LRRC41: variants seen among roughly 807,000 people sequenced by gnomAD.
LRRC41 encodes the protein leucine rich repeat containing 41.
A neutral mutation model predicts 72.1 loss-of-function variants in LRRC41; 17 were observed. The ratio of observed to expected loss-of-function variants is 0.24; its 90% confidence interval spans 0.16 to 0.35. LRRC41 has a LOEUF of 0.35. Among genes scored for constraint, LRRC41 ranks in the 10% least tolerant of loss-of-function variants. The pLI, the probability that LRRC41 is intolerant of heterozygous loss-of-function variation, is 1.00. For synonymous variants in LRRC41, 427 were observed against 431.0 expected (o/e 0.99, Z 0.11); for missense variants, 759 against 1,065.0 (o/e 0.71, Z 4.00).
At chr1:46,283,885 T>TG (rs555208119) in intron 4 of LRRC41, among the ~76,000 whole-genome samples, 71 of 152,156 alleles carry the variant, frequency 4.7e-4, no homozygotes, top group African/African-American at 1.5e-3. Context: ...AGGCTGGTCT[T>TG]GAACTCCTGA....
At position 46,303,476 on chromosome 1, in the gene LRRC41, A is replaced by G. The variant is rs1447319938; in HGVS notation, c.-154T>C. 4 of 805,798 alleles carry G rather than the reference A, an allele frequency of 5.0e-6. No homozygotes were observed. The highest frequency in any genetic ancestry group is 7.6e-6 in the Non-Finnish European group (4 of 527,416). The allele number at this position is 805,798 out of a possible 1,614,324, so 49.9% of individuals were successfully genotyped here. On this transcript the variant is annotated 5_prime_UTR_variant, in exon 1 of 10. Coordinates refer to ENST00000617190, the MANE Select transcript of LRRC41 (RefSeq NM_006369.5). ...TAGCACACTTTCCAAGTCTCTTAGG[A>G]GCTACTATTTTAGATAAACTCCTAG...
Position 46,281,390 on chromosome 1 carries a change from G to A in LRRC41, c.1496-5C>T, listed in dbSNP as rs772245155. 5 of 1,613,882 alleles carry A rather than the reference G, an allele frequency of 3.1e-6. No individual in the cohort carries two copies. Among genetic ancestry groups the A allele is most frequent in the Middle Eastern group, 1.7e-4 (1 of 6,058 alleles). On this transcript the variant is annotated splice_region_variant and splice_polypyrimidine_tract_variant and intron_variant, in intron 4 of 9. Coordinates refer to ENST00000617190, the MANE Select transcript of LRRC41 (RefSeq NM_006369.5). ...GGAAGATGTTAGAGCCCAGGCCTAT[G>A]GCAAGAAAGAGATTAAGTCAGAACC... is the stretch of plus-strand genomic sequence containing the variant.
intron 4 of LRRC41, 37 bp from the exon 5 acceptor site, chr1:46,281,422 G>C (rs765654757): frequency 1.9e-6 from 3 of 1,605,468 alleles, no homozygotes; most frequent in South Asian, 2.2e-5. Flanking sequence ...AACCATGTGG[G>C]AGTGTCAGCA....
chr1:46,299,561 CAG>C (rs781714992), intron 1 of LRRC41: 4 of 151,998 alleles, frequency 2.6e-5, no homozygotes, highest in East Asian at 3.9e-4. Flanking sequence ...GCCTGGATGA[CAG>C]AGCAAGACCC....
chr1:46,286,126 A>T lies in LRRC41; in HGVS notation c.731T>A (p.Ile244Asn). 1.9e-6 allele frequency: 3 copies of T among 1,614,218 alleles called. No individual in the cohort carries two copies. The highest frequency in any genetic ancestry group is 2.5e-6 in the Non-Finnish European group (3 of 1,180,022). Residue 244 changes from isoleucine to asparagine, a missense_variant, in exon 4 of 10, where the codon ATC (isoleucine) becomes AAC (asparagine). This residue lies in a region of LRRC41 where 427 missense variants were observed against 520.9 expected (regional missense o/e 0.82). Coordinates refer to ENST00000617190, the MANE Select transcript of LRRC41 (RefSeq NM_006369.5). The surrounding 1 kb of genome is among the most constrained non-coding windows in gnomAD (Gnocchi z 5.5). Reference protein sequence around the residue: ...SWPVPESALFILILTMSAGFW... With the variant: ...SWPVPESALFNLILTMSAGFW... ...GCCAGCACTCATGGTGAGAATAAGG[A>T]TGAAAAGGGCTGACTCAGGCACAGG...
rs778536245 is a variant in LRRC41, at chr1:46,277,862, A to G, written c.*1003T>C. The G allele has an allele frequency of 2.5e-6, 4 of 1,613,018 alleles. No individual in the cohort carries two copies. Among genetic ancestry groups the G allele is most frequent in the East Asian group, 2.2e-5 (1 of 44,884 alleles). ...GATCTTCCAGCGTCAGAGCCACAAG[A>G]AGGCACTGAGCAGCTGTGTGGTGGA... On this transcript the variant is annotated 3_prime_UTR_variant, in exon 10 of 10. Transcript: ENST00000617190.
At chr1:46,298,238 C>T (rs1182143633) in intron 2 of LRRC41, 46 bp downstream of exon 2, 3 of 1,314,660 alleles carry the variant, frequency 2.3e-6, no homozygotes, top group Admixed American at 1.9e-5. Context: ...CATTATGGTG[C>T]CTTGCTCATA....
In LRRC41 at chr1:46,285,577, C is replaced by T; in HGVS notation, c.1280G>A (p.Gly427Asp). 6.2e-7 allele frequency: 1 copy of T among 1,613,616 alleles called. No individual in the cohort carries two copies. Among genetic ancestry groups the T allele is most frequent in the Non-Finnish European group, 8.5e-7 (1 of 1,179,634 alleles). Reference protein sequence around the residue: ...VFIVAGEKEDGEEMEIGEVAC... With the variant: ...VFIVAGEKEDDEEMEIGEVAC... ...CACTTCCCCAATCTCCATCTCTTCG[C>T]CATCCTCCTTCTCGCCAGCCACAAT... is the stretch of plus-strand genomic sequence containing the variant. The change falls in exon 4 of 10, where the codon GGC becomes GAC. Residue 427 changes from glycine (G) to aspartate (D), a missense_variant. Transcript: ENST00000617190. The surrounding 1 kb of genome is among the most constrained non-coding windows in gnomAD (Gnocchi z 5.3).
chr1:46,279,910 A>G lies in LRRC41; in HGVS notation c.2020+282T>C, dbSNP rs1472028612. Among the ~76,000 whole-genome samples the G allele has an allele frequency of 6.6e-6, 1 of 152,122 alleles. No homozygotes were observed. The highest frequency in any genetic ancestry group is 1.5e-5 in the Non-Finnish European group (1 of 68,012). ...GGATCAGAGAAAAGTCTATGAGGGG[A>G]GCCTGGCACAGTACATTTATTTTGC... On this transcript the variant is annotated intron_variant, in intron 7 of 9. Transcript: ENST00000617190. The surrounding 1 kb of genome is among the most constrained non-coding windows in gnomAD (Gnocchi z 4.5).
Position 46,278,159 on chromosome 1 carries a change from C to T in LRRC41, c.*706G>A, listed in dbSNP as rs755155936. 3.7e-6 allele frequency: 6 copies of T among 1,613,804 alleles called. No individual in the cohort carries two copies. Among genetic ancestry groups the T allele is most frequent in the Non-Finnish European group, 8.5e-7 (1 of 1,179,872 alleles). ...GCACTTCAGACCTGGCAGGGTGGAA[C>T]CACTGCACTGATAAGTGGGGGCTCC... On this transcript the variant is annotated 3_prime_UTR_variant, in exon 10 of 10. Transcript: ENST00000617190.
In LRRC41 at chr1:46,285,346, A is replaced by G; in HGVS notation, c.1495+16T>C. 1 of 1,613,082 alleles carries G rather than the reference A, an allele frequency of 6.2e-7. No individual in the cohort carries two copies. Among genetic ancestry groups the G allele is most frequent in the Non-Finnish European group, 8.5e-7 (1 of 1,179,612 alleles). ...AGGCAATCTAAGCCCAATCCCTGCC[A>G]CTCCAGGGTGCTCACCATTGTAGGA... On this transcript the variant is annotated intron_variant, in intron 4 of 9. Coordinates refer to ENST00000617190, the MANE Select transcript of LRRC41 (RefSeq NM_006369.5). This position sits in a 1 kb window ranked among gnomAD's most constrained non-coding sequence, Gnocchi z 5.3.
intron 3 of LRRC41, chr1:46,297,303 A>G (rs1661144470): frequency 2.5e-6 from 1 of 396,996 alleles, no homozygotes; most frequent in Admixed American, 4.0e-5. Flanking sequence ...CACCATCAAG[A>G]ACTCTAGGAA....
At position 46,298,253 on chromosome 1, in the gene LRRC41, T is replaced by C. The variant is rs367848949; in HGVS notation, c.286+31A>G. ...CATTATGGTGCCTTGCTCATAATCA[T>C]TGACTGAGAAAGAGACAGAAAGATA... On this transcript the variant is annotated intron_variant, in intron 2 of 9. Transcript: ENST00000617190. 7.2e-5 allele frequency: 103 copies of C among 1,437,198 alleles called. 1 individual carries two copies. Among genetic ancestry groups the C allele is most frequent in the Middle Eastern group, 1.7e-4 (1 of 5,726 alleles). 89.0% of individuals were successfully genotyped at this position (1,437,198 alleles called of 1,614,324 possible).
chr1:46,277,738 C>T lies in LRRC41; in HGVS notation c.*1127G>A. On this transcript the variant is annotated 3_prime_UTR_variant, in exon 10 of 10. Coordinates refer to ENST00000617190, the MANE Select transcript of LRRC41 (RefSeq NM_006369.5). ...CTTCTCGGGTAGCTGTAGTTTCAAC[C>T]CTTTGGTTTTCCTGCTCCCTTTTTA... is the stretch of plus-strand genomic sequence containing the variant. 1 of 1,486,788 alleles carries T rather than the reference C, an allele frequency of 6.7e-7. No individual in the cohort carries two copies. The highest frequency in any genetic ancestry group is 9.3e-7 in the Non-Finnish European group (1 of 1,072,648). The allele number at this position is 1,486,788 out of a possible 1,614,324, so 92.1% of individuals were successfully genotyped here.
intron 1 of LRRC41, chr1:46,301,967 T>C (rs1661240304): frequency 1.0e-6 from 1 of 985,258 alleles, no homozygotes; most frequent in Non-Finnish European, 1.2e-6. Flanking sequence ...TAGGCCTGCT[T>C]GGCAGAGCCT....
chr1:46,283,479 G>A (rs891984149), intron 4 of LRRC41, among the ~76,000 whole-genome samples: 1 of 152,090 alleles, frequency 6.6e-6, no homozygotes, highest in African/African-American at 2.4e-5. Context: ...ATGCATTCAA[G>A]TTGGATGTAA....
chr1:46,298,293 G>C lies in LRRC41; in HGVS notation c.277C>G (p.Leu93Val). The change falls in exon 2 of 10, where the codon CTC (leucine) becomes GTC (valine). Residue 93 changes from leucine (L) to valine (V), a missense_variant. Physicochemically the swap from Leu to Val is conservative, Grantham distance 32 (BLOSUM62 1). This residue lies in a region of LRRC41 where 116 missense variants were observed against 250.9 expected (regional missense o/e 0.46). Coordinates refer to ENST00000617190, the MANE Select transcript of LRRC41 (RefSeq NM_006369.5). ...ACAGAAAGATACTCACCTTTCTTGAGGGCAGTTTCCTCAATCCTCTCCAAG... is the reference window on the plus strand; with the variant it reads ...ACAGAAAGATACTCACCTTTCTTGACGGCAGTTTCCTCAATCCTCTCCAAG... Reference protein sequence around the residue: ...YYLERIEETALKKGLSTQAIW... With the variant: ...YYLERIEETAVKKGLSTQAIW... The C allele has an allele frequency of 6.2e-7, 1 of 1,605,152 alleles. No homozygotes were observed. Among genetic ancestry groups the C allele is most frequent in the Non-Finnish European group, 8.5e-7 (1 of 1,173,268 alleles).
chr1:46,283,278 G>C (rs1316153386), intron 4 of LRRC41, among the ~76,000 whole-genome samples: 1 of 152,168 alleles, frequency 6.6e-6, no homozygotes, highest in African/African-American at 2.4e-5. Context: ...GGTAATGGTA[G>C]CTTGAATTAA....
At chr1:46,292,173 G>A (rs1343316439) in intron 3 of LRRC41, among the ~76,000 whole-genome samples, 1 of 151,712 alleles carries the variant, frequency 6.6e-6, no homozygotes, top group African/African-American at 2.4e-5. Flanking sequence ...AAGTAGCCGA[G>A]CTGATGGGCG....
Sources: allele counts gnomAD v4.1 joint callset (sites outside exome capture counted in the v4.1 genomes callset), GRCh38; gene constraint gnomAD v4.1.1; regional missense constraint gnomAD v4.1.1; non-coding constraint Gnocchi (gnomAD v3.1); transcripts MANE v1.5; gene names NCBI Gene and HGNC (gene_info 2026-07-23, HGNC 2026-07-21).